The following NOS2 variants were observed in gnomAD, a reference collection of about 807,000 sequenced individuals.
NOS2 encodes nitric oxide synthase, inducible.
NOS2 carries 96 observed loss-of-function variants against 136.0 expected under a neutral mutation model. The observed-to-expected ratio is 0.71, with a 90% CI of 0.60 to 0.84. The LOEUF is 0.84. Ranked by LOEUF, NOS2 falls within the 40% of genes least tolerant of loss-of-function variation. NOS2 has a pLI of 0.00. For synonymous variants in NOS2, 539 were observed against 587.5 expected (o/e 0.92, Z 1.20); for missense variants, 1,237 against 1,496.9 (o/e 0.83, Z 2.87).
intron 15 of NOS2, among the ~76,000 whole-genome samples, chr17:27,770,652 A>G (rs1908462450): frequency 6.6e-6 from 1 of 152,242 alleles, no homozygotes; most frequent in Non-Finnish European, 1.5e-5. Context: ...TGAGAGTGAT[A>G]CAAGTTTCCT....
chr17:27,774,499 A>C, intron 11 of NOS2, 48 bp from the exon 12 acceptor site: 1 of 1,372,274 alleles, frequency 7.3e-7, no homozygotes, highest in Non-Finnish European at 9.6e-7. Flanking sequence ...TGGGGGAATC[A>C]GGAGAGGGGC....
chr17:27,766,634 C>T (rs201784977), intron 18 of NOS2, 46 bp from the exon 19 acceptor site: 11 of 1,507,730 alleles, frequency 7.3e-6, no homozygotes, highest in Admixed American at 1.7e-5. Context: ...GGTTCTTGAG[C>T]GTAGGTAGGG....
chr17:27,769,261 G>A lies in NOS2; in HGVS notation c.1860-110C>T, dbSNP rs571702629. On this transcript the variant is annotated intron_variant, in intron 16 of 26. Coordinates refer to ENST00000313735, the MANE Select transcript of NOS2 (RefSeq NM_000625.4). Reference sequence around the variant, plus strand: ...AGCCCCAGACTCTCCCCCTCCAGCTGGAGAATGGAGCTGGACCCCCTTCTG... The same window carrying A: ...AGCCCCAGACTCTCCCCCTCCAGCTAGAGAATGGAGCTGGACCCCCTTCTG... 10 of 1,124,846 alleles carry A rather than the reference G, an allele frequency of 8.9e-6. No individual in the cohort carries two copies. In the Admixed American group the frequency reaches 2.0e-4, roughly 23 times the overall value. 69.7% of individuals were successfully genotyped at this position (1,124,846 alleles called of 1,614,324 possible).
At chr17:27,777,474 G>A (rs774420696) in intron 11 of NOS2, among the ~76,000 whole-genome samples, 1 of 152,192 alleles carries the variant, frequency 6.6e-6, no homozygotes, top group Admixed American at 6.5e-5. Flanking sequence ...TTAAGAGGAG[G>A]TGGAGGTTGT....
At chr17:27,760,006 C>T in intron 25 of NOS2, 24 bp downstream of exon 25, 1 of 1,495,058 alleles carries the variant, frequency 6.7e-7, no homozygotes, top group Non-Finnish European at 8.9e-7. Flanking sequence ...TGTAATGCTT[C>T]ACCTGCTTTG....
At chr17:27,787,887 G>T in intron 4 of NOS2, 61 bp from the exon 5 acceptor site, 1 of 1,531,042 alleles carries the variant, frequency 6.5e-7, no homozygotes, top group Non-Finnish European at 8.8e-7. Flanking sequence ...CCCTCCTCTG[G>T]GGCCAGCTCT....
rs1459600081 is a variant in NOS2 at position 27,760,016 on chromosome 17, G to C, written c.3159+14C>G. On this transcript the variant is annotated intron_variant, in intron 25 of 26. Coordinates refer to ENST00000313735, the MANE Select transcript of NOS2 (RefSeq NM_000625.4). ...GTGTGTGTAATGCTTCACCTGCTTT[G>C]AGGCTGCATTTACCTTGGGCTTGCC... The C allele has an allele frequency of 1.3e-6, 2 of 1,506,782 alleles. No individual in the cohort carries two copies. Among genetic ancestry groups the C allele is most frequent in the African/African-American group, 1.4e-5 (1 of 70,986 alleles). The allele number at this position is 1,506,782 out of a possible 1,614,324, so 93.3% of individuals were successfully genotyped here.
Position 27,787,544 on chromosome 17 carries a change from T to G in NOS2, c.467+134A>C, listed in dbSNP as rs985805825. On this transcript the variant is annotated intron_variant, in intron 5 of 26. Coordinates refer to ENST00000313735, the MANE Select transcript of NOS2 (RefSeq NM_000625.4). ...CCCTAGAAAACCGTGATTTTCGCTC[T>G]GCAAAATCATAGTGATTTAACACCA... is the stretch of plus-strand genomic sequence containing the variant. 3 of 742,092 alleles carry G rather than the reference T, an allele frequency of 4.0e-6. No homozygotes were observed. In the African/African-American group the frequency reaches 5.3e-5, roughly 13 times the overall value. The allele number at this position is 742,092 out of a possible 1,614,324, so 46.0% of individuals were successfully genotyped here. A position where few individuals can be genotyped will look rare whatever the true frequency, so the allele number is the denominator to read the frequency against.
rs371738935 is a variant in NOS2, at chr17:27,761,148, G to A, written c.2884C>T (p.Arg962Trp). The A allele has an allele frequency of 9.4e-6, 15 of 1,593,836 alleles. No homozygotes were observed. The highest frequency in any genetic ancestry group is 1.2e-5 in the Non-Finnish European group (14 of 1,170,462). Reference sequence around the variant, plus strand: ...CAGAGTGGAAGGGGTGCTTACTTCCGCACAAAGCAGGGCACTGGGTCTTGG... The same window carrying A: ...CAGAGTGGAAGGGGTGCTTACTTCCACACAAAGCAGGGCACTGGGTCTTGG... ...KPQDPVPCFV[R>W]NASGFHLPED... is the part of the protein sequence containing the mutation. Residue 962 changes from arginine (R) to tryptophan (W), a missense_variant, in exon 23 of 27, where the codon CGG becomes TGG. By Grantham distance (101) the Arg-to-Trp change is moderately radical (BLOSUM62 -3). Transcript: ENST00000313735.
chr17:27,797,732 T>A (rs966281751), intron 2 of NOS2, among the ~76,000 whole-genome samples: 1 of 152,230 alleles, frequency 6.6e-6, no homozygotes, highest in Non-Finnish European at 1.5e-5. Context: ...TCTTTCCACC[T>A]GAGCGAGCCT....
rs1470438637 is a variant in NOS2 at position 27,788,766 on chromosome 17, C to T, written c.318+43G>A. On this transcript the variant is annotated intron_variant, in intron 4 of 26. Transcript: ENST00000313735. ...ATCCACAAAGCCCTGGCAGCTTCAC[C>T]AGCTTGGGACAAAGGTGGTTCTCCC... 2 of 1,585,164 alleles carry T rather than the reference C, an allele frequency of 1.3e-6. 1 individual carries two copies. Among genetic ancestry groups the T allele is most frequent in the South Asian group, 2.3e-5 (2 of 88,732 alleles).
intron 3 of NOS2, 144 bp downstream of exon 3, chr17:27,789,460 C>T (rs1208409572): frequency 8.9e-6 from 6 of 673,510 alleles, no homozygotes; most frequent in Admixed American, 4.7e-5. Context: ...CCTGTTCCCC[C>T]CAACACCCCG....
At chr17:27,766,949 G>A (rs1163886282) in intron 18 of NOS2, among the ~76,000 whole-genome samples, 3 of 149,990 alleles carry the variant, frequency 2.0e-5, no homozygotes, top group African/African-American at 4.9e-5. Flanking sequence ...TGCAGTAAGC[G>A]GGAATCGCGC....
chr17:27,783,239 C>A, intron 5 of NOS2, 133 bp from the exon 6 acceptor site: 1 of 952,606 alleles, frequency 1.0e-6, no homozygotes, highest in East Asian at 2.5e-5. Context: ...ACAGCTCCCT[C>A]CAGGGCTGGC....
intron 11 of NOS2, among the ~76,000 whole-genome samples, chr17:27,778,477 T>C (rs1908731703): frequency 6.6e-6 from 1 of 151,978 alleles, no homozygotes; most frequent in Non-Finnish European, 1.5e-5. Context: ...AAGAGGAAAA[T>C]TTTTGGGAGT....
Position 27,778,683 on chromosome 17 carries a change from G to C in NOS2, c.1281+7C>G. 6.2e-7 allele frequency: 1 copy of C among 1,610,902 alleles called. No homozygotes were observed. The highest frequency in any genetic ancestry group is 1.3e-5 in the African/African-American group (1 of 74,964). On this transcript the variant is annotated splice_region_variant and intron_variant, in intron 11 of 26. Transcript: ENST00000313735. ...AAGTCTTCAGACTCACAAAACTCCA[G>C]ACATACCTGGAAACTATGGAGCACA...
At chr17:27,776,595 C>A (rs1327405570) in intron 11 of NOS2, among the ~76,000 whole-genome samples, 1 of 150,898 alleles carries the variant, frequency 6.6e-6, no homozygotes, top group African/African-American at 2.4e-5. Context: ...ATTGCTTGAA[C>A]CCAGGAGGCG....
chr17:27,781,431 C>T (rs1306816764), intron 7 of NOS2, among the ~76,000 whole-genome samples: 3 of 152,208 alleles, frequency 2.0e-5, no homozygotes, highest in Non-Finnish European at 4.4e-5. Flanking sequence ...CCTATGTCTC[C>T]GTCCTTGCAG....
chr17:27,796,451 T>C (rs974246032), intron 2 of NOS2, among the ~76,000 whole-genome samples: 6 of 151,784 alleles, frequency 4.0e-5, no homozygotes, highest in Non-Finnish European at 5.9e-5. Context: ...TGAGACCCTG[T>C]CTAAAAATAA....
Sources: gnomAD v4.1 joint callset for allele counts (sites outside exome capture counted in the v4.1 genomes callset) on GRCh38, gnomAD v4.1.1 for gene constraint, MANE v1.5 for transcripts, NCBI Gene and HGNC (gene_info 2026-07-23, HGNC 2026-07-21) for gene names.